The following PIN1 variants were observed in gnomAD, a reference collection of about 807,000 sequenced individuals.
PIN1 encodes the protein peptidylprolyl cis/trans isomerase, NIMA-interacting 1.
A neutral mutation model predicts 19.9 loss-of-function variants in PIN1; 8 were observed. That is an observed-to-expected ratio of 0.40 (90% CI 0.24 to 0.72). The LOEUF (loss-of-function observed/expected upper bound fraction) is 0.72. PIN1 is among the 30% of genes least tolerant of loss of function. The probability of loss-of-function intolerance (pLI) is 0.37; values close to 1 mark genes in which losing one functional copy is unlikely to be tolerated. For missense variants in PIN1, 185 were observed against 226.5 expected (o/e 0.82, Z 1.18); for synonymous variants, 86 against 90.8 (o/e 0.95, Z 0.30).
At chr19:9,845,649 C>T (rs1010616966) in intron 2 of PIN1, among the ~76,000 whole-genome samples, 2 of 152,196 alleles carry the variant, frequency 1.3e-5, no homozygotes, top group African/African-American at 4.8e-5. Context: ...AGGCTCCCAT[C>T]ATAGCAGAAA....
Position 9,838,518 on chromosome 19 carries a change from C to T in PIN1, c.141C>T (p.Asn47=), listed in dbSNP as rs765621001. The T allele has an allele frequency of 5.0e-6, 8 of 1,602,852 alleles. No homozygotes were observed. In the South Asian group the frequency reaches 5.6e-5, roughly 11 times the overall value. Residue 47 remains asparagine (N), a synonymous_variant, in exon 2 of 4, where the codon AAC becomes AAT. Transcript: ENST00000247970. This position sits in a 1 kb window ranked among gnomAD's most constrained non-coding sequence, Gnocchi z 5.8. ...PSGNSSSGGK[N]GQGEPARVRC... is the part of the protein sequence containing the mutation. ...GCAACAGCAGCAGTGGTGGCAAAAA[C>T]GGGCAGGGGGAGCCTGCCAGGGTCC...
chr19:9,838,221 T>C lies in PIN1; in HGVS notation c.59-215T>C, dbSNP rs1295021029. 7 of 622,430 alleles carry C rather than the reference T, an allele frequency of 1.1e-5. No individual in the cohort carries two copies. The highest frequency in any genetic ancestry group is 2.8e-5 in the East Asian group (1 of 36,196). 38.6% of individuals were successfully genotyped at this position (622,430 alleles called of 1,614,324 possible). A position where few individuals can be genotyped will look rare whatever the true frequency, so the allele number is the denominator to read the frequency against. ...ATTTGCTTGTTTAGCACCTGTCTGC[T>C]CTCACCTAGAATGTTAGCTCTCTAA... On this transcript the variant is annotated intron_variant, in intron 1 of 3. Coordinates refer to ENST00000247970, the MANE Select transcript of PIN1 (RefSeq NM_006221.4). This position sits in a 1 kb window ranked among gnomAD's most constrained non-coding sequence, Gnocchi z 5.8.
intron 2 of PIN1, among the ~76,000 whole-genome samples, chr19:9,847,592 A>AGGGGGCCCG (rs2046231479): frequency 1.3e-5 from 2 of 152,150 alleles, no homozygotes; most frequent in South Asian, 4.1e-4. Flanking sequence ...ACCTCTGCCC[A>AGGGGGCCCG]GGGGGCCCGG....
chr19:9,844,508 C>T (rs2046200031), intron 2 of PIN1, among the ~76,000 whole-genome samples: 2 of 152,158 alleles, frequency 1.3e-5, no homozygotes, highest in Non-Finnish European at 2.9e-5. Flanking sequence ...AGATAGGTGC[C>T]ATTCTGTTTT....
At chr19:9,845,207 G>A (rs1463775018) in intron 2 of PIN1, among the ~76,000 whole-genome samples, 1 of 152,126 alleles carries the variant, frequency 6.6e-6, no homozygotes, top group Non-Finnish European at 1.5e-5. Context: ...ACCCCTCAAG[G>A]TCAGCCTCAC....
intron 1 of PIN1, chr19:9,837,569 C>T (rs1012371662): frequency 2.6e-5 from 4 of 153,880 alleles, no homozygotes; most frequent in Non-Finnish European, 5.8e-5. Context: ...TCAAGCAATT[C>T]TCCTGCCTCA....
intron 2 of PIN1, among the ~76,000 whole-genome samples, chr19:9,839,963 G>A (rs1009853996): frequency 6.6e-6 from 1 of 152,062 alleles, no homozygotes; most frequent in Non-Finnish European, 1.5e-5. Context: ...TCACACTACC[G>A]CACTCCAGCC....
At chr19:9,840,124 C>T (rs1213152084) in intron 2 of PIN1, among the ~76,000 whole-genome samples, 1 of 152,228 alleles carries the variant, frequency 6.6e-6, no homozygotes, top group African/African-American at 2.4e-5. Context: ...CGCGGTGGCT[C>T]ACGTCTGTAA....
At chr19:9,835,615 C>G in intron 1 of PIN1, 2 of 476,406 alleles carry the variant, frequency 4.2e-6, no homozygotes, top group East Asian at 7.6e-5. Flanking sequence ...AGGCAGGGGG[C>G]TGGGCGGGTG....
Position 9,849,248 on chromosome 19 carries a change from C to T in PIN1, c.*49C>T, listed in dbSNP as rs753753440. On this transcript the variant is annotated 3_prime_UTR_variant, in exon 4 of 4. Coordinates refer to ENST00000247970, the MANE Select transcript of PIN1 (RefSeq NM_006221.4). ...TCGGGGCAGGGCAGGGCGGCTAGGC[C>T]GGCCAGCTCCCCCTTGCCCGCCAGC... is the stretch of plus-strand genomic sequence containing the variant. 18 of 1,283,036 alleles carry T rather than the reference C, an allele frequency of 1.4e-5. No individual in the cohort carries two copies. Among genetic ancestry groups the T allele is most frequent in the Admixed American group, 1.9e-5 (1 of 52,424 alleles). The allele number at this position is 1,283,036 out of a possible 1,614,324, so 79.5% of individuals were successfully genotyped here.
At chr19:9,847,704 G>A (rs2046233482) in intron 2 of PIN1, among the ~76,000 whole-genome samples, 1 of 117,846 alleles carries the variant, frequency 8.5e-6, no homozygotes, top group South Asian at 2.4e-4. Flanking sequence ...GTGTGTGTGT[G>A]CATGTGTGTG....
chr19:9,837,213 G>A (rs553195397), intron 1 of PIN1: 3 of 225,732 alleles, frequency 1.3e-5, no homozygotes, highest in South Asian at 1.0e-4. Flanking sequence ...GAGTGCAGTG[G>A]CATGATCTTG....
rs532555918 is a variant in PIN1 at position 9,835,413 on chromosome 19, G to A, written c.58+11G>A. 13 of 1,501,000 alleles carry A rather than the reference G, an allele frequency of 8.7e-6. No individual in the cohort carries two copies. In the South Asian group the frequency reaches 1.4e-4, roughly 16 times the overall value. 93.0% of individuals were successfully genotyped at this position (1,501,000 alleles called of 1,614,324 possible). On this transcript the variant is annotated intron_variant, in intron 1 of 3. Transcript: ENST00000247970. ...TGAGCCGCAGCTCAGGTGCCGCGGG[G>A]GTCGGGGCTGGGGCGGGACTGCGCG... is the stretch of plus-strand genomic sequence containing the variant.
chr19:9,836,897 C>A, intron 1 of PIN1: 1 of 1,260,030 alleles, frequency 7.9e-7, no homozygotes, highest in Non-Finnish European at 1.0e-6. Flanking sequence ...GTTTTGCCAT[C>A]TATACAATAG....
At position 9,846,402 on chromosome 19, in the gene PIN1, T is replaced by C. The variant is rs115830376; in HGVS notation, c.272-1628T>C. 0.014 allele frequency among the ~76,000 whole-genome samples: 2,066 copies of C among 152,256 alleles called. 40 individuals are homozygous for C. The highest frequency in any genetic ancestry group is 0.047 in the African/African-American group (1,955 of 41,542). On this transcript the variant is annotated intron_variant, in intron 2 of 3. Transcript: ENST00000247970. This position sits in a 1 kb window ranked among gnomAD's most constrained non-coding sequence, Gnocchi z 5.9. The stretch of plus-strand genomic sequence containing the variant: ...GGGTCCTGCTCGGTGCCGGGCACTA[T>C]GCTGCATGTCACAGCCACTGGCACA...
chr19:9,848,863 A>G (rs2145420427), intron 3 of PIN1, among the ~76,000 whole-genome samples: 1 of 152,220 alleles, frequency 6.6e-6, no homozygotes, highest in East Asian at 1.9e-4. Context: ...CCTGCCTGCT[A>G]TCCTTCATGC....
At chr19:9,848,310 C>T in intron 3 of PIN1, 170 bp downstream of exon 3, 1 of 616,284 alleles carries the variant, frequency 1.6e-6, no homozygotes, top group Non-Finnish European at 2.9e-6. Context: ...CTGGGCAGGG[C>T]CAGGGCCACA....
chr19:9,841,957 GT>G (rs1456440377), intron 2 of PIN1, among the ~76,000 whole-genome samples: 1 of 152,192 alleles, frequency 6.6e-6, no homozygotes, highest in Admixed American at 6.5e-5. Context: ...GCTGAGGTCG[GT>G]GGGGATAGTG....
chr19:9,841,704 C>T (rs2145413152), intron 2 of PIN1, among the ~76,000 whole-genome samples: 1 of 152,332 alleles, frequency 6.6e-6, no homozygotes, highest in South Asian at 2.1e-4. Context: ...TTCAGGGGTT[C>T]TGGTTGCCCC....
Sources: allele counts gnomAD v4.1 joint callset (sites outside exome capture counted in the v4.1 genomes callset), GRCh38; gene constraint gnomAD v4.1.1; non-coding constraint Gnocchi (gnomAD v3.1); transcripts MANE v1.5; gene names NCBI Gene and HGNC (gene_info 2026-07-23, HGNC 2026-07-21).